Variants in BNC2 observed in about 807,000 individuals in gnomAD.
BNC2 encodes the protein zinc finger protein basonuclin-2.
BNC2 carries 20 observed loss-of-function variants against 76.3 expected under a neutral mutation model. The ratio of observed to expected loss-of-function variants is 0.26; its 90% CI spans 0.18 to 0.38. The LOEUF is 0.38. Among genes scored for constraint, BNC2 ranks in the 10% least tolerant of loss-of-function variants. The pLI, the probability that BNC2 is intolerant of heterozygous loss-of-function variation, is 1.00. For synonymous variants in BNC2, 582 were observed against 514.8 expected (o/e 1.13, Z -1.77); for missense variants, 1,382 against 1,399.8 (o/e 0.99, Z 0.20).
chr9:16,801,221 G>T (rs1041281223), intron 1 of BNC2, among the ~76,000 whole-genome samples: 2 of 151,860 alleles, frequency 1.3e-5, no homozygotes, highest in Non-Finnish European at 2.9e-5. Flanking sequence ...AATAATGATA[G>T]TACTATTGAT....
intron 2 of BNC2, among the ~76,000 whole-genome samples, chr9:16,735,451 T>C (rs1356848138): frequency 2.6e-5 from 4 of 151,760 alleles, no homozygotes; most frequent in Non-Finnish European, 5.9e-5. Context: ...GAAATTAACA[T>C]GAACATGAAA....
chr9:16,789,524 C>T (rs1212867111), intron 1 of BNC2, among the ~76,000 whole-genome samples: 1 of 152,162 alleles, frequency 6.6e-6, no homozygotes, highest in Non-Finnish European at 1.5e-5. Flanking sequence ...GCAGAAGCAT[C>T]TCACCACTGT....
chr9:16,479,505 A>C (rs1239414538), intron 5 of BNC2, among the ~76,000 whole-genome samples: 1 of 152,158 alleles, frequency 6.6e-6, no homozygotes, highest in Non-Finnish European at 1.5e-5. Context: ...TATTATTAAA[A>C]TTTTCAAATA....
At chr9:16,637,535 T>C (rs1280389774) in intron 3 of BNC2, among the ~76,000 whole-genome samples, 2 of 152,214 alleles carry the variant, frequency 1.3e-5, no homozygotes, top group Non-Finnish European at 2.9e-5. Context: ...CAACAGTATA[T>C]AATAAACTCT....
At chr9:16,720,995 C>A in intron 3 of BNC2, among the ~76,000 whole-genome samples, 1 of 152,264 alleles carries the variant, frequency 6.6e-6, no homozygotes, top group East Asian at 1.9e-4. Flanking sequence ...ACAGGGAACG[C>A]ACAAATTAAA....
intron 3 of BNC2, among the ~76,000 whole-genome samples, chr9:16,705,856 T>C (rs1488546012): frequency 6.6e-6 from 1 of 152,160 alleles, no homozygotes; most frequent in Non-Finnish European, 1.5e-5. Flanking sequence ...TCCAGAGAAG[T>C]TGAGAGAAAA....
At chr9:16,761,520 A>C (rs985690560) in intron 1 of BNC2, among the ~76,000 whole-genome samples, 4 of 152,204 alleles carry the variant, frequency 2.6e-5, no homozygotes, top group African/African-American at 2.4e-5. Context: ...TTTCAAACAA[A>C]CAAATCAATA....
rs115823691 is a variant in BNC2, at chr9:16,624,699, T to C, written c.331-41614A>G. On this transcript the variant is annotated intron_variant, in intron 3 of 6. Coordinates refer to ENST00000380672, the MANE Select transcript of BNC2 (RefSeq NM_017637.6). ...TTACATCAGTGGTATTAAAAGCATA[T>C]TGAAAACTTTAAAAAGTTGATCCAA... Among the ~76,000 whole-genome samples, 326 of 152,332 alleles carry C rather than the reference T, an allele frequency of 2.1e-3. 2 individuals are homozygous for C. Among genetic ancestry groups the C allele is most frequent in the African/African-American group, 6.9e-3 (286 of 41,566 alleles).
At chr9:16,472,917 G>C (rs1325372200) in intron 5 of BNC2, among the ~76,000 whole-genome samples, 1 of 152,224 alleles carries the variant, frequency 6.6e-6, no homozygotes, top group East Asian at 1.9e-4. Context: ...ACAGAAGGAA[G>C]GTGGAAGCAT....
chr9:16,468,270 T>A (rs940887630), intron 5 of BNC2, among the ~76,000 whole-genome samples: 9 of 152,172 alleles, frequency 5.9e-5, no homozygotes, highest in African/African-American at 1.9e-4. Flanking sequence ...CTTCCTTGAC[T>A]GCCCAAGACA....
intron 1 of BNC2, among the ~76,000 whole-genome samples, chr9:16,850,194 T>C (rs1404141065): frequency 1.3e-5 from 2 of 152,226 alleles, no homozygotes; most frequent in African/African-American, 4.8e-5. Context: ...TCCAAAATTT[T>C]ACTTAGAATA....
At chr9:16,836,809 G>C (rs1586922876) in intron 1 of BNC2, among the ~76,000 whole-genome samples, 1 of 151,706 alleles carries the variant, frequency 6.6e-6, no homozygotes, top group Admixed American at 6.6e-5. Context: ...AAATAAAAAA[G>C]AAAGAAAAAT....
chr9:16,870,663 T>G lies in BNC2; in HGVS notation c.-15A>C, dbSNP rs766418789. 6 of 1,610,316 alleles carry G rather than the reference T, an allele frequency of 3.7e-6. No individual in the cohort carries two copies. The African/African-American group carries it at 5.4e-5, about 14-fold the overall frequency. Reference sequence around the variant, plus strand: ...CTTCTTACCATCTCGGCATGCTGGTTGTCAAGTGCAGCCCCCGCCTCTTGG... The same window carrying G: ...CTTCTTACCATCTCGGCATGCTGGTGGTCAAGTGCAGCCCCCGCCTCTTGG... On this transcript the variant is annotated 5_prime_UTR_variant, in exon 1 of 7. Coordinates refer to ENST00000380672, the MANE Select transcript of BNC2 (RefSeq NM_017637.6).
At chr9:16,657,712 G>A (rs2134011031) in intron 3 of BNC2, among the ~76,000 whole-genome samples, 1 of 149,526 alleles carries the variant, frequency 6.7e-6, no homozygotes, top group South Asian at 2.1e-4. Flanking sequence ...TCCATATAAT[G>A]GAATAATGTG....
At chr9:16,830,402 A>G (rs1225982461) in intron 1 of BNC2, among the ~76,000 whole-genome samples, 1 of 152,222 alleles carries the variant, frequency 6.6e-6, no homozygotes, top group African/African-American at 2.4e-5. Context: ...ACCTACACAC[A>G]TCCTCTTATA....
chr9:16,787,597 G>A (rs1826331091), intron 1 of BNC2, among the ~76,000 whole-genome samples: 1 of 152,174 alleles, frequency 6.6e-6, no homozygotes, highest in African/African-American at 2.4e-5. Flanking sequence ...ACGGTAGTGG[G>A]CTTATTCTAT....
At chr9:16,586,148 T>C (rs1015701228) in intron 3 of BNC2, among the ~76,000 whole-genome samples, 1 of 151,872 alleles carries the variant, frequency 6.6e-6, no homozygotes, top group Non-Finnish European at 1.5e-5. Context: ...ATGTACCACA[T>C]ACAGCTTGGT....
At chr9:16,665,410 GA>G (rs59647517) in intron 3 of BNC2, among the ~76,000 whole-genome samples, 5,959 of 94,260 alleles carry the variant, frequency 0.063, 463 homozygotes, top group East Asian at 0.32. Context: ...GAGAAAGAGA[GA>G]AAAGAAAGGA....
intron 3 of BNC2, among the ~76,000 whole-genome samples, chr9:16,703,223 T>C (rs1483559656): frequency 6.6e-6 from 1 of 152,188 alleles, no homozygotes; most frequent in African/African-American, 2.4e-5. Context: ...AAAAGAAATA[T>C]AACTTCAGAT....
Sources: gnomAD v4.1 joint callset for allele counts (sites outside exome capture counted in the v4.1 genomes callset) on GRCh38, gnomAD v4.1.1 for gene constraint, MANE v1.5 for transcripts, NCBI Gene and HGNC (gene_info 2026-07-23, HGNC 2026-07-21) for gene names.